The following EYS variants were observed in gnomAD, a reference collection of about 807,000 sequenced individuals.
EYS encodes protein eyes shut homolog.
In EYS, 250 loss-of-function variants were observed where a neutral mutation model predicts 282.1. That is an observed-to-expected ratio of 0.89 (90% CI 0.80 to 0.98). The LOEUF is 0.98. Ranked by LOEUF, EYS falls within the 50% of genes least tolerant of loss-of-function variation. EYS has a pLI of 0.00. For missense variants in EYS, 4,016 were observed against 3,709.0 expected (o/e 1.08, Z -2.15); for synonymous variants, 1,355 against 1,282.9 (o/e 1.06, Z -1.20).
At chr6:65,588,660 A>C (rs565674278) in intron 2 of EYS, among the ~76,000 whole-genome samples, 2 of 152,096 alleles carry the variant, frequency 1.3e-5, no homozygotes, top group African/African-American at 4.8e-5. Flanking sequence ...GATCATTCCT[A>C]TATTTTTGGC....
chr6:65,123,483 G>C (rs1441329619), intron 12 of EYS, among the ~76,000 whole-genome samples: 2 of 152,002 alleles, frequency 1.3e-5, no homozygotes, highest in African/African-American at 4.8e-5. Flanking sequence ...CCTTCCACCA[G>C]GAAAGCAAAG....
intron 24 of EYS, among the ~76,000 whole-genome samples, chr6:64,597,161 T>TA (rs1766611267): frequency 6.6e-6 from 1 of 151,970 alleles, no homozygotes; most frequent in Non-Finnish European, 1.5e-5. Flanking sequence ...AAAACTGCAA[T>TA]GAGATATTAT....
intron 35 of EYS, among the ~76,000 whole-genome samples, chr6:63,970,122 G>T (rs1766487030): frequency 6.6e-6 from 1 of 152,164 alleles, no homozygotes; most frequent in South Asian, 2.1e-4. Flanking sequence ...TGGTGACAGT[G>T]GGACTAAATG....
chr6:65,649,677 C>T (rs1404747658), intron 1 of EYS, among the ~76,000 whole-genome samples: 1 of 152,100 alleles, frequency 6.6e-6, no homozygotes, highest in Non-Finnish European at 1.5e-5. Flanking sequence ...TCGCTCCTTT[C>T]TCTAGATCAG....
At chr6:63,989,080 G>A (rs532176706) in intron 34 of EYS, among the ~76,000 whole-genome samples, 62 of 151,518 alleles carry the variant, frequency 4.1e-4, no homozygotes, top group African/African-American at 1.2e-3. Flanking sequence ...TCAATTCTGC[G>A]TCTGAAGTTA....
chr6:64,240,200 C>G (rs1220799970), intron 30 of EYS, among the ~76,000 whole-genome samples: 1 of 151,828 alleles, frequency 6.6e-6, no homozygotes, highest in Non-Finnish European at 1.5e-5. Flanking sequence ...TGCCTCCAGG[C>G]TTGTTCTTTT....
At chr6:63,828,974 C>G (rs900865527) in intron 36 of EYS, among the ~76,000 whole-genome samples, 1 of 152,166 alleles carries the variant, frequency 6.6e-6, no homozygotes, top group African/African-American at 2.4e-5. Flanking sequence ...GTACCCACTA[C>G]AGGGTATCTA....
At chr6:64,527,759 T>A (rs149562200) in intron 26 of EYS, among the ~76,000 whole-genome samples, 267 of 151,796 alleles carry the variant, frequency 1.8e-3, no homozygotes, top group African/African-American at 6.2e-3. Context: ...AAAATAAAAT[T>A]TAAAGGAAAC....
chr6:65,220,492 T>A (rs932281064), intron 12 of EYS, among the ~76,000 whole-genome samples: 2 of 152,156 alleles, frequency 1.3e-5, no homozygotes, highest in Admixed American at 6.5e-5. Context: ...CCATGTAAGA[T>A]GTCCCTTTGC....
At chr6:65,540,666 C>G (rs1768131958) in intron 2 of EYS, among the ~76,000 whole-genome samples, 1 of 152,132 alleles carries the variant, frequency 6.6e-6, no homozygotes, top group Non-Finnish European at 1.5e-5. Flanking sequence ...CGCCTGTAAT[C>G]CCAGCACTTT....
intron 40 of EYS, among the ~76,000 whole-genome samples, chr6:63,771,290 A>T (rs1216933654): frequency 2.0e-5 from 3 of 152,108 alleles, no homozygotes; most frequent in Admixed American, 1.3e-4. Context: ...CAGTTGGAAA[A>T]AAGCAAAGCA....
intron 35 of EYS, among the ~76,000 whole-genome samples, chr6:63,962,929 A>G (rs1222748917): frequency 6.6e-6 from 1 of 152,220 alleles, no homozygotes; most frequent in Non-Finnish European, 1.5e-5. Flanking sequence ...CTTTGCAGCC[A>G]TAAAAAAGAA....
At chr6:65,490,204 A>T (rs886794937) in intron 5 of EYS, 2 of 155,252 alleles carry the variant, frequency 1.3e-5, no homozygotes, top group African/African-American at 4.8e-5. Flanking sequence ...GACTTTTTTT[A>T]AAGAAATTAA....
chr6:64,860,294 C>G (rs1431486324), intron 19 of EYS, among the ~76,000 whole-genome samples: 1 of 152,198 alleles, frequency 6.6e-6, no homozygotes, highest in African/African-American at 2.4e-5. Flanking sequence ...GCCACTGGGC[C>G]CACTTGGCAT....
Position 63,959,343 on chromosome 6 carries a change from A to C in EYS, c.7055+25040T>G, listed in dbSNP as rs142009204. 5.1e-3 allele frequency among the ~76,000 whole-genome samples: 772 copies of C among 152,304 alleles called. 3 individuals carry two copies. The highest frequency in any genetic ancestry group is 0.017 in the African/African-American group (718 of 41,562). ...TTTCATGCCAGTCAGAATAGTGATT[A>C]TTAAAAAGTCAAGAAACAATAGATG... On this transcript the variant is annotated intron_variant, in intron 35 of 42. Transcript: ENST00000503581.
chr6:65,312,319 T>C (rs1769181920), intron 11 of EYS, among the ~76,000 whole-genome samples: 2 of 151,796 alleles, frequency 1.3e-5, no homozygotes, highest in Admixed American at 6.6e-5. Context: ...TTGGTCATGA[T>C]AAATTAAGTG....
At chr6:65,226,862 G>A (rs887992535) in intron 12 of EYS, among the ~76,000 whole-genome samples, 13 of 152,146 alleles carry the variant, frequency 8.5e-5, no homozygotes, top group Non-Finnish European at 1.2e-4. Flanking sequence ...AGGTAGAAAC[G>A]CAGTCATCCA....
intron 35 of EYS, among the ~76,000 whole-genome samples, chr6:63,897,553 C>T (rs143675608): frequency 6.6e-6 from 1 of 152,312 alleles, no homozygotes; most frequent in African/African-American, 2.4e-5. Context: ...TTCTCACCGA[C>T]AGCCTCTGGA....
chr6:65,458,114 C>G (rs762138152), intron 5 of EYS, among the ~76,000 whole-genome samples: 28 of 152,108 alleles, frequency 1.8e-4, no homozygotes, highest in Non-Finnish European at 3.1e-4. Flanking sequence ...TAAGTTTGGA[C>G]CAACATCTTT....
Sources: gnomAD v4.1 joint callset for allele counts (sites outside exome capture counted in the v4.1 genomes callset) on GRCh38, gnomAD v4.1.1 for gene constraint, MANE v1.5 for transcripts, NCBI Gene and HGNC (gene_info 2026-07-23, HGNC 2026-07-21) for gene names.